The following OSBPL7 variants were observed in gnomAD, a reference collection of about 807,000 sequenced individuals.
The protein encoded by OSBPL7 is oxysterol binding protein like 7.
OSBPL7 carries 66 observed loss-of-function variants against 115.8 expected under a neutral mutation model. The observed-to-expected ratio is 0.57, with a 90% CI of 0.47 to 0.70. The LOEUF (loss-of-function observed/expected upper bound fraction) is 0.70, where lower values mean the gene tolerates loss of function less well. Ranked by LOEUF, OSBPL7 falls within the 30% of genes least tolerant of loss-of-function variation. The pLI, the probability that OSBPL7 is intolerant of heterozygous loss-of-function variation, is 0.00. For synonymous variants in OSBPL7, 441 were observed against 439.2 expected, an observed-to-expected ratio of 1.00 and a Z score of -0.05; for missense variants, 902 against 1,125.5, an observed-to-expected ratio of 0.80 and a Z score of 2.84.
chr17:47,808,218 A>G lies in OSBPL7; in HGVS notation c.*73T>C. The G allele has an allele frequency of 8.3e-7, 1 of 1,199,952 alleles. No homozygotes were observed. Among genetic ancestry groups the G allele is most frequent in the Non-Finnish European group, 1.2e-6 (1 of 822,664 alleles). The allele number at this position is 1,199,952 out of a possible 1,614,324, so 74.3% of individuals were successfully genotyped here. On this transcript the variant is annotated 3_prime_UTR_variant, in exon 23 of 23. Transcript: ENST00000007414. This position sits in a 1 kb window ranked among gnomAD's most constrained non-coding sequence, Gnocchi z 6.1. ...GCAGTGAGGCGGGGAGCCCGGCCTC[A>G]CCCATGTGTCCATGGTAGGGGGTGG... is the stretch of plus-strand genomic sequence containing the variant.
intron 7 of OSBPL7, 105 bp downstream of exon 7, chr17:47,818,164 A>T: frequency 9.9e-7 from 1 of 1,007,992 alleles, no homozygotes; most frequent in Non-Finnish European, 1.5e-6. Flanking sequence ...AGGCTGTCTC[A>T]TTAAACTGGG....
chr17:47,819,055 C>T lies in OSBPL7; in HGVS notation c.300G>A (p.Ser100=), dbSNP rs184682115. The change falls in exon 5 of 23, where the codon TCG becomes TCA. Residue 100 remains serine (S), a synonymous_variant. Coordinates refer to ENST00000007414, the MANE Select transcript of OSBPL7 (RefSeq NM_145798.3). ...GGGCCTTTTTGTTGATGGACATGAC[C>T]GACAGCCGGACATCGATGGAGCCAT... The part of the protein sequence containing the change: ...KLHGSIDVRL[S]VMSINKKAQR... The T allele has an allele frequency of 3.2e-5, 51 of 1,614,002 alleles. No homozygotes were observed. In the East Asian group the frequency reaches 5.3e-4, roughly 17 times the overall value.
At chr17:47,820,453 C>T (rs1043113329) in intron 1 of OSBPL7, 88 bp from the exon 2 acceptor site, 5 of 621,174 alleles carry the variant, frequency 8.0e-6, no homozygotes, top group Non-Finnish European at 1.4e-5. Flanking sequence ...GAGATAAGGG[C>T]TCCCCAACAT....
chr17:47,817,610 C>T (rs2033267113), intron 7 of OSBPL7, among the ~76,000 whole-genome samples: 4 of 152,176 alleles, frequency 2.6e-5, no homozygotes, highest in South Asian at 4.2e-4. Context: ...AGGCTGGCCT[C>T]GAACTCCTGA....
chr17:47,817,223 G>A (rs2033249966), intron 8 of OSBPL7, 33 bp downstream of exon 8: 2 of 1,529,774 alleles, frequency 1.3e-6, no homozygotes, highest in Non-Finnish European at 1.8e-6. Context: ...TCGGGGGCCT[G>A]AGCAGGACCC....
chr17:47,809,021 C>T (rs763759477), intron 20 of OSBPL7, 31 bp from the exon 21 acceptor site: 46 of 1,613,610 alleles, frequency 2.9e-5, no homozygotes, highest in Middle Eastern at 3.3e-4. Flanking sequence ...GGGGCAGGTG[C>T]ACCATGCCTG....
Position 47,808,175 on chromosome 17 carries a change from G to T in OSBPL7, c.*116C>A. ...GCAGAGGGGAGGGAGGGCCAGGGCT[G>T]CCCCTTTGGTCTCAAGGGCAGTGAG... is the stretch of plus-strand genomic sequence containing the variant. On this transcript the variant is annotated 3_prime_UTR_variant, in exon 23 of 23. Coordinates refer to ENST00000007414, the MANE Select transcript of OSBPL7 (RefSeq NM_145798.3). This position sits in a 1 kb window ranked among gnomAD's most constrained non-coding sequence, Gnocchi z 6.1. The T allele has an allele frequency of 1.3e-6, 1 of 763,022 alleles. No individual in the cohort carries two copies. The highest frequency in any genetic ancestry group is 2.2e-6 in the Non-Finnish European group (1 of 464,096). The allele number at this position is 763,022 out of a possible 1,614,324, so 47.3% of individuals were successfully genotyped here. A position where few individuals can be genotyped will look rare whatever the true frequency, so the allele number is the denominator to read the frequency against.
intron 13 of OSBPL7, 67 bp downstream of exon 13, chr17:47,815,148 G>A (rs2033171106): frequency 1.3e-6 from 2 of 1,557,904 alleles, no homozygotes; most frequent in Non-Finnish European, 1.7e-6. Flanking sequence ...GGTCTCTGTG[G>A]ACCCCACCCT....
At chr17:47,819,547 C>A in intron 4 of OSBPL7, 182 bp downstream of exon 4, 1 of 696,948 alleles carries the variant, frequency 1.4e-6, no homozygotes. Context: ...GGGGATGGTG[C>A]TCTCCCATTA....
At chr17:47,819,708 C>T (rs1221685983) in intron 4 of OSBPL7, 21 bp downstream of exon 4, 1 of 1,614,024 alleles carries the variant, frequency 6.2e-7, no homozygotes, top group African/African-American at 1.3e-5. Flanking sequence ...CCCACAACCC[C>T]AAGCCACTGC....
rs572639347 is a variant in OSBPL7 at position 47,818,659 on chromosome 17, G to A, written c.370-43C>T. The A allele has an allele frequency of 2.8e-5, 43 of 1,527,820 alleles. No homozygotes were observed. In the South Asian group the frequency reaches 4.6e-4, roughly 16 times the overall value. The allele number at this position is 1,527,820 out of a possible 1,614,324, so 94.6% of individuals were successfully genotyped here. ...AGGGGGAGGGCTATCTGAAGAGAGG[G>A]ACCACTTTCCAAGAGCAAGAAGTCA... On this transcript the variant is annotated intron_variant, in intron 5 of 22. Coordinates refer to ENST00000007414, the MANE Select transcript of OSBPL7 (RefSeq NM_145798.3).
intron 1 of OSBPL7, among the ~76,000 whole-genome samples, chr17:47,821,350 G>A (rs2033389257): frequency 6.6e-6 from 1 of 152,222 alleles, no homozygotes; most frequent in South Asian, 2.1e-4. Flanking sequence ...GCAGGAACGG[G>A]TGCCCAGGAG....
rs750627314 is a variant in OSBPL7, at chr17:47,815,395, C to T, written c.1120-43G>A. On this transcript the variant is annotated intron_variant, in intron 12 of 22. Coordinates refer to ENST00000007414, the MANE Select transcript of OSBPL7 (RefSeq NM_145798.3). Reference sequence around the variant, plus strand: ...TGGATGTCAGGCTCCGGGGCCAAGCCGGGGGGATCAAGCAGGGCACCCGCT... The same window carrying T: ...TGGATGTCAGGCTCCGGGGCCAAGCTGGGGGGATCAAGCAGGGCACCCGCT... 160 of 1,608,940 alleles carry T rather than the reference C, an allele frequency of 9.9e-5. 2 individuals carry two copies. The South Asian group carries it at 1.3e-3, about 13-fold the overall frequency.
intron 7 of OSBPL7, among the ~76,000 whole-genome samples, chr17:47,817,968 G>C (rs552289293): frequency 1.1e-4 from 16 of 152,250 alleles, no homozygotes; most frequent in African/African-American, 3.4e-4. Flanking sequence ...CCCTTTCCTA[G>C]AGCACACCCC....
intron 13 of OSBPL7, 174 bp from the exon 14 acceptor site, chr17:47,814,788 G>A (rs2033162392): frequency 3.2e-6 from 2 of 631,594 alleles, no homozygotes; most frequent in East Asian, 2.8e-5. Context: ...GCATCACGGA[G>A]TGTGCCCAGC....
chr17:47,819,468 G>A lies in OSBPL7; in HGVS notation c.255+261C>T, dbSNP rs1240903213. ...GGGTGGTAAAGCCCCCATTTCTTGG[G>A]CACTTATTCTGCCCTGTCCAGAGAG... On this transcript the variant is annotated intron_variant, in intron 4 of 22. Transcript: ENST00000007414. The A allele has an allele frequency of 1.0e-5, 6 of 585,116 alleles. No homozygotes were observed. The East Asian group carries it at 1.7e-4, about 17-fold the overall frequency. 36.2% of individuals were successfully genotyped at this position (585,116 alleles called of 1,614,324 possible). A position where few individuals can be genotyped will look rare whatever the true frequency, so the allele number is the denominator to read the frequency against.
chr17:47,814,590 T>G lies in OSBPL7; in HGVS notation c.1282A>C (p.Thr428Pro), dbSNP rs994154458. The G allele has an allele frequency of 6.2e-7, 1 of 1,607,298 alleles. No homozygotes were observed. Among genetic ancestry groups the G allele is most frequent in the Non-Finnish European group, 8.5e-7 (1 of 1,176,110 alleles). Residue 428 changes from threonine (T) to proline (P), a missense_variant, in exon 14 of 23, where the codon ACC (threonine) becomes CCC (proline). This residue lies in a region of OSBPL7 where 667 missense variants were observed against 788.7 expected (regional missense o/e 0.85). Transcript: ENST00000007414. ...NEGSEEEESC[T>P]SEITTSLSEE... Reference sequence around the variant, plus strand: ...GACAGGCTGGTGGTGATTTCACTGGTACAGGACTCCTCCTCCTCTGAGCCC... The same window carrying G: ...GACAGGCTGGTGGTGATTTCACTGGGACAGGACTCCTCCTCCTCTGAGCCC...
At chr17:47,817,732 C>T (rs114456469) in intron 7 of OSBPL7, among the ~76,000 whole-genome samples, 4 of 152,116 alleles carry the variant, frequency 2.6e-5, no homozygotes, top group Non-Finnish European at 5.9e-5. Flanking sequence ...ATGGAGATCC[C>T]GATACTGCTC....
At position 47,808,722 on chromosome 17, in the gene OSBPL7, C is replaced by T. The variant is rs1343095644; in HGVS notation, c.2298-62G>A. The T allele has an allele frequency of 1.9e-6, 3 of 1,609,038 alleles. No individual in the cohort carries two copies. Among genetic ancestry groups the T allele is most frequent in the East Asian group, 2.2e-5 (1 of 44,836 alleles). ...CTGCAGGGGCCCCCAAACCCAAGGC[C>T]TCTGTCTCTGCCCAACTCTGTCCTC... On this transcript the variant is annotated intron_variant, in intron 21 of 22. Transcript: ENST00000007414. The surrounding 1 kb of genome is among the most constrained non-coding windows in gnomAD (Gnocchi z 6.1).
Sources: gnomAD v4.1 joint callset for allele counts (sites outside exome capture counted in the v4.1 genomes callset) on GRCh38, gnomAD v4.1.1 for gene constraint, gnomAD v4.1.1 regional missense constraint, Gnocchi (gnomAD v3.1) non-coding constraint, MANE v1.5 for transcripts, NCBI Gene and HGNC (gene_info 2026-07-23, HGNC 2026-07-21) for gene names.